The following KCNQ1 variants were observed in gnomAD, a reference collection of about 807,000 sequenced individuals.
KCNQ1 encodes potassium voltage-gated channel subfamily KQT member 1.
Under a neutral mutation model 72.4 loss-of-function variants are expected in KCNQ1, and 49 were observed. That is an observed-to-expected ratio of 0.68 (90% CI 0.54 to 0.86). The LOEUF is 0.86. Ranked by LOEUF, KCNQ1 falls within the 40% of genes least tolerant of loss-of-function variation. KCNQ1 has a pLI of 0.00. For missense variants in KCNQ1, 790 were observed against 945.1 expected, an observed-to-expected ratio of 0.84 and a Z score of 2.15; for synonymous variants, 450 against 412.6, an observed-to-expected ratio of 1.09 and a Z score of -1.10.
intron 15 of KCNQ1, chr11:2,840,514 C>CAAAA (rs201591401): frequency 7.4e-6 from 1 of 135,504 alleles, no homozygotes; most frequent in Non-Finnish European, 1.6e-5. Context: ...AAACACAAAT[C>CAAAA]AAAAAAGTAT....
At position 2,677,444 on chromosome 11, in the gene KCNQ1, C is replaced by A. The variant is rs1166305737; in HGVS notation, c.1514+15363C>A. 2.5e-6 allele frequency: 1 copy of A among 398,540 alleles called. No homozygotes were observed. Among genetic ancestry groups the A allele is most frequent in the Non-Finnish European group, 4.4e-6 (1 of 226,036 alleles). 24.7% of individuals were successfully genotyped at this position (398,540 alleles called of 1,614,324 possible). On this transcript the variant is annotated intron_variant, in intron 11 of 15. Transcript: ENST00000155840. This position sits in a 1 kb window ranked among gnomAD's most constrained non-coding sequence, Gnocchi z 4.5. ...ACAGCAGGGGAGATGATAATTGATG[C>A]AGGTGGCCTCTTGGTCAAGCAGTGA...
rs1048995969 is a variant in KCNQ1, at chr11:2,724,487, AGTG to A, written c.1515-44352_1515-44350del. On this transcript the variant is annotated intron_variant, in intron 11 of 15. Coordinates refer to ENST00000155840, the MANE Select transcript of KCNQ1 (RefSeq NM_000218.3). The surrounding 1 kb of genome is among the most constrained non-coding windows in gnomAD (Gnocchi z 6.8). Reference sequence around the variant, plus strand: ...GAGGGTGGGAGGGCAAAGAGAGAGAAGTGGTGGGTGGCAGCGAGCAGGCTGTCC... The same window carrying A: ...GAGGGTGGGAGGGCAAAGAGAGAGAAGTGGGTGGCAGCGAGCAGGCTGTCC... Among the ~76,000 whole-genome samples, 23 of 152,152 alleles carry A rather than the reference AGTG, an allele frequency of 1.5e-4. No individual in the cohort carries two copies. The highest frequency in any genetic ancestry group is 5.3e-4 in the African/African-American group (22 of 41,444).
chr11:2,585,866 G>C (rs1848584971), intron 8 of KCNQ1, among the ~76,000 whole-genome samples: 2 of 152,246 alleles, frequency 1.3e-5, no homozygotes, highest in Non-Finnish European at 2.9e-5. Flanking sequence ...AGGTTCTGGA[G>C]GCAGGTGGGG....
intron 5 of KCNQ1, 104 bp from the exon 6 acceptor site, chr11:2,572,742 G>C: frequency 6.7e-7 from 1 of 1,483,054 alleles, no homozygotes; most frequent in South Asian, 1.2e-5. Flanking sequence ...CTGGAGCGGC[G>C]TAGGACGCCC....
rs1847874580 is a variant in KCNQ1, at chr11:2,828,033, C to T, written c.1795-19734C>T. Among the ~76,000 whole-genome samples, 1 of 152,188 alleles carries T rather than the reference C, an allele frequency of 6.6e-6. No individual in the cohort carries two copies. The highest frequency in any genetic ancestry group is 2.1e-4 in the South Asian group (1 of 4,824). Reference sequence around the variant, plus strand: ...GTGGGGAGGCCAGCAACAGAGGGAACACTACCTGCAAAGGGGCGAGGGCAG... The same window carrying T: ...GTGGGGAGGCCAGCAACAGAGGGAATACTACCTGCAAAGGGGCGAGGGCAG... On this transcript the variant is annotated intron_variant, in intron 15 of 15. Coordinates refer to ENST00000155840, the MANE Select transcript of KCNQ1 (RefSeq NM_000218.3). This position sits in a 1 kb window ranked among gnomAD's most constrained non-coding sequence, Gnocchi z 5.3.
Position 2,746,148 on chromosome 11 carries a change from C to A in KCNQ1, c.1515-22696C>A, listed in dbSNP as rs528484738. Reference sequence around the variant, plus strand: ...CAAGTGATCCATCCGCCTCGGCCTCCCAAAGTGCTGGGATTATAGGCATGA... The same window carrying A: ...CAAGTGATCCATCCGCCTCGGCCTCACAAAGTGCTGGGATTATAGGCATGA... On this transcript the variant is annotated intron_variant, in intron 11 of 15. Transcript: ENST00000155840. The surrounding 1 kb of genome is among the most constrained non-coding windows in gnomAD (Gnocchi z 5.9). Among the ~76,000 whole-genome samples, 14 of 152,318 alleles carry A rather than the reference C, an allele frequency of 9.2e-5. No homozygotes were observed. The highest frequency in any genetic ancestry group is 3.4e-4 in the African/African-American group (14 of 41,576).
At chr11:2,727,024 C>T (rs1845776047) in intron 11 of KCNQ1, among the ~76,000 whole-genome samples, 1 of 152,214 alleles carries the variant, frequency 6.6e-6, no homozygotes, top group African/African-American at 2.4e-5. Context: ...ACACTTAAGC[C>T]ACTTGGTTGG....
At chr11:2,675,268 A>G (rs1327664160) in intron 11 of KCNQ1, 1 of 398,506 alleles carries the variant, frequency 2.5e-6, no homozygotes, top group Non-Finnish European at 4.4e-6. Context: ...AAGTGAAGAT[A>G]ACTCACCTCT....
intron 2 of KCNQ1, among the ~76,000 whole-genome samples, chr11:2,533,423 TC>T (rs1847674647): frequency 6.6e-6 from 1 of 152,266 alleles, no homozygotes; most frequent in Admixed American, 6.5e-5. Flanking sequence ...GAGAGCCACT[TC>T]CTGGGCTGCA....
At position 2,729,416 on chromosome 11, in the gene KCNQ1, A is replaced by T. The variant is rs565106660; in HGVS notation, c.1515-39428A>T. ...TGAGATGTGTTGGCATTTACTCCAC[A>T]AATACTGAATGCCTGCTCCAGGTGC... On this transcript the variant is annotated intron_variant, in intron 11 of 15. Transcript: ENST00000155840. Among the ~76,000 whole-genome samples, 3 of 152,394 alleles carry T rather than the reference A, an allele frequency of 2.0e-5. No homozygotes were observed. The South Asian group carries it at 6.2e-4, about 32-fold the overall frequency.
rs376109970 is a variant in KCNQ1, at chr11:2,709,904, A to AT, written c.1514+47828dup. 3.8e-3 allele frequency among the ~76,000 whole-genome samples: 572 copies of AT among 152,248 alleles called. 2 individuals are homozygous for AT. Among genetic ancestry groups the AT allele is most frequent in the African/African-American group, 0.013 (540 of 41,538 alleles). On this transcript the variant is annotated intron_variant, in intron 11 of 15. Coordinates refer to ENST00000155840, the MANE Select transcript of KCNQ1 (RefSeq NM_000218.3). ...CATTCATTCATTGAACACTTGGGCC[A>AT]TTTTTACTTTTTAGCTATTAGTGAA...
rs375155898 is a variant in KCNQ1 at position 2,849,058 on chromosome 11, C to T, written c.*1055C>T. ...CCATGGGGTCTCTCACAGACAGGAC[C>T]CCTGCAGTTCCCCTGGAAGCAGTGC... On this transcript the variant is annotated 3_prime_UTR_variant, in exon 16 of 16. Coordinates refer to ENST00000155840, the MANE Select transcript of KCNQ1 (RefSeq NM_000218.3). 7.7e-5 allele frequency: 35 copies of T among 454,076 alleles called. No homozygotes were observed. The East Asian group carries it at 1.5e-3, about 20-fold the overall frequency. The allele number at this position is 454,076 out of a possible 1,614,324, so 28.1% of individuals were successfully genotyped here.
intron 11 of KCNQ1, among the ~76,000 whole-genome samples, chr11:2,736,843 G>C (rs1170651522): frequency 6.6e-6 from 1 of 152,214 alleles, no homozygotes; most frequent in Non-Finnish European, 1.5e-5. Flanking sequence ...ACTCGGTCAA[G>C]ATAAGATGCC....
chr11:2,627,328 C>A lies in KCNQ1; in HGVS notation c.1394-34633C>A. The A allele has an allele frequency of 5.0e-6, 2 of 398,468 alleles. No homozygotes were observed. Among genetic ancestry groups the A allele is most frequent in the Non-Finnish European group, 8.8e-6 (2 of 226,016 alleles). 24.7% of individuals were successfully genotyped at this position (398,468 alleles called of 1,614,324 possible). A position where few individuals can be genotyped will look rare whatever the true frequency, so the allele number is the denominator to read the frequency against. ...TGTGTGCGTGTGTGTGGTCAGAATA[C>A]CTAAGCTATACTCTCTTAGCAAATT... is the stretch of plus-strand genomic sequence containing the variant. On this transcript the variant is annotated intron_variant, in intron 10 of 15. Coordinates refer to ENST00000155840, the MANE Select transcript of KCNQ1 (RefSeq NM_000218.3). This position sits in a 1 kb window ranked among gnomAD's most constrained non-coding sequence, Gnocchi z 4.9.
At position 2,451,981 on chromosome 11, in the gene KCNQ1, G is replaced by C. The variant is rs1267600891; in HGVS notation, c.386+6497G>C. ...CCATGGGCACCCCCACTCCCACCTA[G>C]CACTTGCCACCAGGAAGCACCCTGA... is the stretch of plus-strand genomic sequence containing the variant. On this transcript the variant is annotated intron_variant, in intron 1 of 15. Transcript: ENST00000155840. The surrounding 1 kb of genome is among the most constrained non-coding windows in gnomAD (Gnocchi z 6.4). Among the ~76,000 whole-genome samples, 1 of 152,108 alleles carries C rather than the reference G, an allele frequency of 6.6e-6. No individual in the cohort carries two copies. Among genetic ancestry groups the C allele is most frequent in the Non-Finnish European group, 1.5e-5 (1 of 67,992 alleles).
intron 15 of KCNQ1, among the ~76,000 whole-genome samples, chr11:2,802,497 T>A (rs1347322728): frequency 6.6e-6 from 1 of 152,198 alleles, no homozygotes; most frequent in East Asian, 1.9e-4. Context: ...CTCCAGGAGC[T>A]GGGGGCCTTG....
At position 2,468,965 on chromosome 11, in the gene KCNQ1, G is replaced by A. The variant is rs1017453699; in HGVS notation, c.386+23481G>A. On this transcript the variant is annotated intron_variant, in intron 1 of 15. Transcript: ENST00000155840. The surrounding 1 kb of genome is among the most constrained non-coding windows in gnomAD (Gnocchi z 5.7). Reference sequence around the variant, plus strand: ...ACGGCTGTGTCATGGGGTGGGTGAGGGCTTCACTTTCTAGGACACTGACAA... The same window carrying A: ...ACGGCTGTGTCATGGGGTGGGTGAGAGCTTCACTTTCTAGGACACTGACAA... 6.6e-6 allele frequency among the ~76,000 whole-genome samples: 1 copy of A among 152,178 alleles called. No individual in the cohort carries two copies. The highest frequency in any genetic ancestry group is 1.5e-5 in the Non-Finnish European group (1 of 68,022).
At chr11:2,556,410 G>T (rs1172889725) in intron 2 of KCNQ1, among the ~76,000 whole-genome samples, 1 of 152,148 alleles carries the variant, frequency 6.6e-6, no homozygotes, top group African/African-American at 2.4e-5. Flanking sequence ...TAATCCAAGG[G>T]TCCGTAAACC....
Position 2,818,522 on chromosome 11 carries a change from G to A in KCNQ1, c.1795-29245G>A, listed in dbSNP as rs570455262. 3.9e-5 allele frequency among the ~76,000 whole-genome samples: 6 copies of A among 152,068 alleles called. No homozygotes were observed. The highest frequency in any genetic ancestry group is 4.8e-5 in the African/African-American group (2 of 41,388). On this transcript the variant is annotated intron_variant, in intron 15 of 15. Coordinates refer to ENST00000155840, the MANE Select transcript of KCNQ1 (RefSeq NM_000218.3). This position sits in a 1 kb window ranked among gnomAD's most constrained non-coding sequence, Gnocchi z 7.2. The stretch of plus-strand genomic sequence containing the variant: ...GAGCTGTCACAGGACTTTGCCACCC[G>A]GGGTGAGGGGCCTAGAAACCCCTCT...
Sources: gnomAD v4.1 joint callset for allele counts (sites outside exome capture counted in the v4.1 genomes callset) on GRCh38, gnomAD v4.1.1 for gene constraint, Gnocchi (gnomAD v3.1) non-coding constraint, MANE v1.5 for transcripts, NCBI Gene and HGNC (gene_info 2026-07-23, HGNC 2026-07-21) for gene names.